Variants in SYN2 observed in about 807,000 individuals in gnomAD.
SYN2 encodes synapsin-2.
A neutral mutation model predicts 50.9 loss-of-function variants in SYN2; 19 were observed. The ratio of observed to expected loss-of-function variants is 0.37; its 90% CI spans 0.26 to 0.55. The LOEUF (loss-of-function observed/expected upper bound fraction) is 0.55, where lower values mean the gene tolerates loss of function less well. Ranked by LOEUF, SYN2 falls within the 20% of genes least tolerant of loss-of-function variation. The probability of loss-of-function intolerance (pLI) is 0.81; values close to 1 mark genes in which losing one functional copy is unlikely to be tolerated. For synonymous variants in SYN2, 255 were observed against 224.9 expected (o/e 1.13, Z -1.20); for missense variants, 587 against 576.4 (o/e 1.02, Z -0.19).
chr3:12,078,790 CTT>C (rs904490681), intron 1 of SYN2, among the ~76,000 whole-genome samples: 5 of 152,108 alleles, frequency 3.3e-5, no homozygotes, highest in African/African-American at 1.2e-4. Flanking sequence ...TATACAAGCT[CTT>C]GTTTGGTTTC....
intron 1 of SYN2, among the ~76,000 whole-genome samples, chr3:12,077,082 G>A (rs1273822234): frequency 6.6e-6 from 1 of 152,052 alleles, no homozygotes; most frequent in African/African-American, 2.4e-5. Flanking sequence ...CTCAGTGCAG[G>A]TTTGCGATGG....
At chr3:12,149,888 T>C (rs893012298) in intron 4 of SYN2, among the ~76,000 whole-genome samples, 3 of 152,186 alleles carry the variant, frequency 2.0e-5, no homozygotes, top group African/African-American at 7.2e-5. Context: ...TAAAGAGATA[T>C]TCTTTATGGT....
In SYN2 at chr3:12,131,119, G is replaced by T. The variant is rs145040308; in HGVS notation, c.378-9532G>T. The stretch of plus-strand genomic sequence containing the variant: ...GGAGACAAGTAGGGGCTGGGATGCA[G>T]CCCCACATTCCACTCACCAATCCAA... On this transcript the variant is annotated intron_variant, in intron 1 of 12. Coordinates refer to ENST00000621198, the MANE Select transcript of SYN2 (RefSeq NM_133625.6). Among the ~76,000 whole-genome samples the T allele has an allele frequency of 3.5e-3, 530 of 152,338 alleles. 3 individuals carry two copies. The highest frequency in any genetic ancestry group is 0.012 in the African/African-American group (497 of 41,590).
At chr3:12,090,106 C>T (rs570454672) in intron 1 of SYN2, among the ~76,000 whole-genome samples, 21 of 152,160 alleles carry the variant, frequency 1.4e-4, no homozygotes, top group South Asian at 2.1e-4. Context: ...ACACATTTCT[C>T]TGAGACTAGC....
chr3:12,070,239 T>C, intron 1 of SYN2: 1 of 436,326 alleles, frequency 2.3e-6, no homozygotes, highest in Non-Finnish European at 4.6e-6. Context: ...AAGAAGAGAT[T>C]GCCATGCTGG....
chr3:12,070,520 TG>T, intron 1 of SYN2: 2 of 797,576 alleles, frequency 2.5e-6, no homozygotes, highest in Non-Finnish European at 2.1e-6. Flanking sequence ...GTGAGTTGCG[TG>T]TGGCCCCGGA....
intron 1 of SYN2, among the ~76,000 whole-genome samples, chr3:12,063,326 GA>G (rs1695151340): frequency 6.6e-6 from 1 of 151,994 alleles, no homozygotes; most frequent in Non-Finnish European, 1.5e-5. Context: ...ATGAATGAGG[GA>G]AAAAGGTGCT....
chr3:12,108,671 G>A (rs1415095693), intron 1 of SYN2, among the ~76,000 whole-genome samples: 1 of 152,074 alleles, frequency 6.6e-6, no homozygotes, highest in African/African-American at 2.4e-5. Context: ...GAGTACAGCT[G>A]TTACTAAGTC....
At chr3:12,179,374 G>GAAAAAAAAA (rs536283283) in intron 10 of SYN2, among the ~76,000 whole-genome samples, 24 of 92,562 alleles carry the variant, frequency 2.6e-4, no homozygotes, top group African/African-American at 3.2e-4. Flanking sequence ...AGAACTGAAA[G>GAAAAAAAAA]AAAAAAAAAA....
At chr3:12,167,013 A>G (rs1186335766) in intron 7 of SYN2, among the ~76,000 whole-genome samples, 2 of 152,254 alleles carry the variant, frequency 1.3e-5, no homozygotes, top group African/African-American at 4.8e-5. Context: ...CTGTGGAGCC[A>G]GAGCTGTCTG....
chr3:12,034,771 T>C (rs1035083705), intron 1 of SYN2, among the ~76,000 whole-genome samples: 2 of 152,194 alleles, frequency 1.3e-5, no homozygotes, highest in African/African-American at 4.8e-5. Context: ...CACTGTTGCA[T>C]TGGGGATTAA....
intron 1 of SYN2, among the ~76,000 whole-genome samples, chr3:12,059,464 G>T (rs1695068174): frequency 6.6e-6 from 1 of 152,102 alleles, no homozygotes; most frequent in African/African-American, 2.4e-5. Flanking sequence ...GCTCCTGGGT[G>T]TTACTCCCTC....
intron 10 of SYN2, among the ~76,000 whole-genome samples, chr3:12,175,296 A>G (rs1698040231): frequency 6.6e-6 from 1 of 152,200 alleles, no homozygotes; most frequent in African/African-American, 2.4e-5. Context: ...CTATCAGCCT[A>G]TTGGATTGAT....
intron 1 of SYN2, among the ~76,000 whole-genome samples, chr3:12,091,682 T>C (rs1695831643): frequency 6.6e-6 from 1 of 152,218 alleles, no homozygotes; most frequent in Non-Finnish European, 1.5e-5. Context: ...TTATTTATGC[T>C]AGTAATTTGC....
In SYN2 at chr3:12,004,751, C is replaced by CGCCCGCGCCGCAGCCCGCGCCGCA. The variant is rs1333519826; in HGVS notation, c.222_223insCAGCCCGCGCCGCAGCCCGCGCCG (p.Pro74_Thr75insGlnProAlaProGlnProAlaPro). The CGCCCGCGCCGCAGCCCGCGCCGCA allele has an allele frequency of 0.049, 14,726 of 302,946 alleles. 581 individuals carry two copies. The highest frequency in any genetic ancestry group is 0.065 in the Non-Finnish European group (10,708 of 165,262). The allele number at this position is 302,946 out of a possible 1,614,324, so 18.8% of individuals were successfully genotyped here. On this transcript the variant is annotated inframe_insertion, in exon 1 of 13. Coordinates refer to ENST00000621198, the MANE Select transcript of SYN2 (RefSeq NM_133625.6). ...GAGCGGAGGCCGCCGCCCGCCTCGG[C>CGCCCGCGCCGCAGCCCGCGCCGCA]GCCCGCGCCGCAGCCCGCGCCGACG...
At position 12,086,077 on chromosome 3, in the gene SYN2, G is replaced by A. The variant is rs1211295164; in HGVS notation, c.378-54574G>A. On this transcript the variant is annotated intron_variant, in intron 1 of 12. Coordinates refer to ENST00000621198, the MANE Select transcript of SYN2 (RefSeq NM_133625.6). The stretch of plus-strand genomic sequence containing the variant: ...AGTGGACATTATACCTGATACCACA[G>A]AAATACAAAGTAGCACAAGAGACTT... Among the ~76,000 whole-genome samples the A allele has an allele frequency of 2.6e-5, 4 of 152,242 alleles. No individual in the cohort carries two copies. In the East Asian group the frequency reaches 7.7e-4, roughly 29 times the overall value.
chr3:12,190,900 T>C lies in SYN2; in HGVS notation c.*275T>C. ...TTCCTTCTGAAGTCATCGTTCGCTG[T>C]GAGTTTAGTGGCCTTATTGTGACAG... is the stretch of plus-strand genomic sequence containing the variant. On this transcript the variant is annotated 3_prime_UTR_variant, in exon 13 of 13. Coordinates refer to ENST00000621198, the MANE Select transcript of SYN2 (RefSeq NM_133625.6). The C allele has an allele frequency of 8.4e-7, 1 of 1,188,402 alleles. No individual in the cohort carries two copies. Among genetic ancestry groups the C allele is most frequent in the South Asian group, 2.4e-5 (1 of 41,168 alleles). 73.6% of individuals were successfully genotyped at this position (1,188,402 alleles called of 1,614,324 possible). A position where few individuals can be genotyped will look rare whatever the true frequency, so the allele number is the denominator to read the frequency against.
intron 1 of SYN2, among the ~76,000 whole-genome samples, chr3:12,015,540 A>G (rs6777212): frequency 0.09 from 13,711 of 152,220 alleles, 2,027 homozygotes; most frequent in African/African-American, 0.31. Context: ...CGAAGTAACT[A>G]GTCAGCAAGT....
At chr3:12,082,062 T>C (rs940919712) in intron 1 of SYN2, among the ~76,000 whole-genome samples, 3 of 152,186 alleles carry the variant, frequency 2.0e-5, no homozygotes, top group African/African-American at 7.2e-5. Flanking sequence ...GGGCTCAGCA[T>C]ATAGTCACAT....
Sources: gnomAD v4.1 joint callset for allele counts (sites outside exome capture counted in the v4.1 genomes callset) on GRCh38, gnomAD v4.1.1 for gene constraint, MANE v1.5 for transcripts, NCBI Gene and HGNC (gene_info 2026-07-23, HGNC 2026-07-21) for gene names.